Variants in ZNF346 observed in about 807,000 individuals in gnomAD.
The protein encoded by ZNF346 is double-stranded RNA-binding zinc finger protein JAZ.
Under a neutral mutation model 33.7 loss-of-function variants are expected in ZNF346, and 23 were observed. That is an observed-to-expected ratio of 0.68 (90% confidence interval 0.49 to 0.97). The LOEUF (loss-of-function observed/expected upper bound fraction) is 0.97, where lower values mean the gene tolerates loss of function less well. ZNF346 is among the 50% of genes least tolerant of loss of function. The pLI is 0.00. For missense variants in ZNF346, 340 were observed against 371.1 expected (o/e 0.92, Z 0.69); for synonymous variants, 134 against 142.4 (o/e 0.94, Z 0.42).
chr5:177,076,925 C>T (rs1287568801), intron 8 of ZNF346, among the ~76,000 whole-genome samples: 1 of 152,120 alleles, frequency 6.6e-6, no homozygotes. Context: ...CCTGTAATCC[C>T]AGCTACTTGG....
At chr5:177,040,998 G>C in intron 1 of ZNF346, 128 bp from the exon 2 acceptor site, 1 of 704,226 alleles carries the variant, frequency 1.4e-6, no homozygotes, top group Middle Eastern at 2.5e-4. Context: ...GGAAAGGCTG[G>C]CTGAGGTCTG....
intron 1 of ZNF346, among the ~76,000 whole-genome samples, chr5:177,039,876 C>T (rs1022419630): frequency 2.0e-5 from 3 of 152,168 alleles, no homozygotes; most frequent in African/African-American, 7.2e-5. Context: ...ACATTGCCAG[C>T]GCCATGATAG....
chr5:177,075,665 C>A (rs977918519), intron 8 of ZNF346, among the ~76,000 whole-genome samples: 3 of 151,818 alleles, frequency 2.0e-5, no homozygotes, highest in Non-Finnish European at 4.4e-5. Flanking sequence ...TACAGGCATG[C>A]GCCACTGTGC....
chr5:177,033,189 A>G (rs554970932), intron 1 of ZNF346, among the ~76,000 whole-genome samples: 3 of 152,256 alleles, frequency 2.0e-5, no homozygotes, highest in East Asian at 3.9e-4. Context: ...GATTTCCCCC[A>G]TGTCAGCTTC....
intron 4 of ZNF346, among the ~76,000 whole-genome samples, chr5:177,050,359 G>A (rs138876643): frequency 6.6e-6 from 1 of 152,342 alleles, no homozygotes; most frequent in African/African-American, 2.4e-5. Context: ...GAAGTTCTGG[G>A]AAGTACTGAG....
At chr5:177,053,568 A>G (rs1156401515) in intron 5 of ZNF346, among the ~76,000 whole-genome samples, 1 of 152,126 alleles carries the variant, frequency 6.6e-6, no homozygotes, top group African/African-American at 2.4e-5. Flanking sequence ...TAATACAATA[A>G]GGATAATTTT....
Position 177,055,798 on chromosome 5 carries a change from G to A in ZNF346, c.703+4862G>A, listed in dbSNP as rs145731705. On this transcript the variant is annotated intron_variant, in intron 5 of 6. Coordinates refer to ENST00000358149, the MANE Select transcript of ZNF346 (RefSeq NM_012279.4). ...TCTACTAAAAATACAAAAATTGGCC[G>A]GGTGCAGTGGCTCACACCTCTAATC... Among the ~76,000 whole-genome samples, 859 of 151,902 alleles carry A rather than the reference G, an allele frequency of 5.7e-3. 12 individuals carry two copies. Among genetic ancestry groups the A allele is most frequent in the African/African-American group, 0.017 (710 of 41,430 alleles).
chr5:177,074,348 G>A (rs565922405), intron 8 of ZNF346, among the ~76,000 whole-genome samples: 173 of 152,224 alleles, frequency 1.1e-3, no homozygotes, highest in Non-Finnish European at 2.3e-3. Context: ...TTGAGAAGTT[G>A]CCAAGTGGGA....
chr5:177,071,294 G>A (rs1418695753), downstream of ZNF346, among the ~76,000 whole-genome samples: 2 of 152,042 alleles, frequency 1.3e-5, no homozygotes, highest in African/African-American at 4.8e-5. Flanking sequence ...CATCTGCTCG[G>A]GAGGCTGAGG....
downstream of ZNF346, among the ~76,000 whole-genome samples, chr5:177,069,377 G>A (rs902034918): frequency 1.3e-5 from 2 of 151,704 alleles, no homozygotes; most frequent in African/African-American, 4.9e-5. Flanking sequence ...GCTTGAACCT[G>A]GGAGGCGGAG....
At position 177,060,021 on chromosome 5, in the gene ZNF346, A is replaced by G. The variant is rs1310853500; in HGVS notation, c.704-2037A>G. Among the ~76,000 whole-genome samples the G allele has an allele frequency of 2.0e-5, 3 of 152,340 alleles. No individual in the cohort carries two copies. In the East Asian group the frequency reaches 5.8e-4, roughly 29 times the overall value. ...GGGCAAGTAGGATAGTATGGGACGT[A>G]GTGACGCGGAGGACATGAGCAGGTG... On this transcript the variant is annotated intron_variant, in intron 5 of 6. Coordinates refer to ENST00000358149, the MANE Select transcript of ZNF346 (RefSeq NM_012279.4).
At chr5:177,059,630 CT>C (rs1782205840) in intron 5 of ZNF346, among the ~76,000 whole-genome samples, 1 of 152,136 alleles carries the variant, frequency 6.6e-6, no homozygotes, top group African/African-American at 2.4e-5. Context: ...CACCCCATTA[CT>C]TTCCCTAATT....
intron 1 of ZNF346, among the ~76,000 whole-genome samples, chr5:177,032,562 A>G (rs180760774): frequency 1.7e-3 from 251 of 152,072 alleles, no homozygotes; most frequent in South Asian, 4.8e-3. Flanking sequence ...CCAGCCCTCT[A>G]CCACACCTGG....
chr5:177,054,949 A>G (rs542871957), intron 5 of ZNF346, among the ~76,000 whole-genome samples: 23 of 152,266 alleles, frequency 1.5e-4, no homozygotes, highest in Admixed American at 3.9e-4. Context: ...TACCTTTCTG[A>G]AAAGTAAAAA....
intron 1 of ZNF346, among the ~76,000 whole-genome samples, chr5:177,027,647 C>T (rs1476701874): frequency 7.0e-6 from 1 of 142,186 alleles, no homozygotes; most frequent in Non-Finnish European, 1.5e-5. Context: ...GCTTTTCTTT[C>T]TTCCTTTCCT....
intron 8 of ZNF346, among the ~76,000 whole-genome samples, chr5:177,078,915 A>G (rs1177844944): frequency 1.3e-5 from 2 of 151,534 alleles, no homozygotes; most frequent in Admixed American, 1.3e-4. Context: ...ATAAATAGAT[A>G]AATAAATGAT....
At position 177,044,394 on chromosome 5, in the gene ZNF346, C is replaced by T. The variant is rs1177490062; in HGVS notation, c.378C>T (p.Ser126=). The T allele has an allele frequency of 8.1e-6, 13 of 1,613,988 alleles. No individual in the cohort carries two copies. Among genetic ancestry groups the T allele is most frequent in the Non-Finnish European group, 1.1e-5 (13 of 1,180,008 alleles). ...GTGTTCTTTCTTCCAACCAGAAGAG[C>T]AGCAGAAGCAAAGACAAGAACCAGT... ...ETKKLDSDQK[S]SRSKDKNQCC... Residue 126 remains serine, a synonymous_variant, in exon 4 of 7, where the codon AGC becomes AGT. Transcript: ENST00000358149.
chr5:177,071,879 T>TA (rs1783522769), downstream of ZNF346, among the ~76,000 whole-genome samples: 1 of 152,146 alleles, frequency 6.6e-6, no homozygotes, highest in Non-Finnish European at 1.5e-5. Context: ...AAAGCCCTGT[T>TA]ACAGAGACAG....
At chr5:177,073,428 C>T (rs1358210819) in intron 8 of ZNF346, among the ~76,000 whole-genome samples, 4 of 152,124 alleles carry the variant, frequency 2.6e-5, no homozygotes, top group East Asian at 3.9e-4. Context: ...CTCAGCCTCC[C>T]GAGTAGCTGG....
Sources: gnomAD v4.1 joint callset for allele counts (sites outside exome capture counted in the v4.1 genomes callset) on GRCh38, gnomAD v4.1.1 for gene constraint, MANE v1.5 for transcripts, NCBI Gene and HGNC (gene_info 2026-07-23, HGNC 2026-07-21) for gene names.